Variants in OTOA observed in about 807,000 individuals in gnomAD.
OTOA encodes the protein otoancorin.
Under a neutral mutation model 110.8 loss-of-function variants are expected in OTOA, and 70 were observed. The ratio of observed to expected loss-of-function variants is 0.63; its 90% CI spans 0.52 to 0.77. OTOA has a LOEUF of 0.77. Among genes scored for constraint, OTOA ranks in the 30% least tolerant of loss-of-function variants. The pLI is 0.00. For missense variants in OTOA, 917 were observed against 1,075.8 expected (o/e 0.85, Z 2.06); for synonymous variants, 373 against 431.5 (o/e 0.86, Z 1.68).
At chr16:21,700,763 A>G (rs994798806) in intron 10 of OTOA, 125 bp from the exon 11 acceptor site, 15 of 1,132,510 alleles carry the variant, frequency 1.3e-5, no homozygotes, top group Non-Finnish European at 1.9e-5. Context: ...GACATCAATG[A>G]CAATGAGAAC....
intron 1 of OTOA, among the ~76,000 whole-genome samples, chr16:21,664,604 C>T (rs1047985563): frequency 1.3e-5 from 2 of 152,062 alleles, no homozygotes; most frequent in African/African-American, 4.8e-5. Context: ...CTTATATGTG[C>T]CAGTGCTGGG....
At chr16:21,715,806 C>T (rs1047552133) in intron 14 of OTOA, among the ~76,000 whole-genome samples, 5 of 151,960 alleles carry the variant, frequency 3.3e-5, no homozygotes, top group African/African-American at 1.2e-4. Flanking sequence ...GTGTGAGCCA[C>T]TGTGCCTGGC....
chr16:21,735,277 G>A (rs1899253489), intron 21 of OTOA, among the ~76,000 whole-genome samples: 1 of 152,108 alleles, frequency 6.6e-6, no homozygotes, highest in African/African-American at 2.4e-5. Flanking sequence ...GGAAGGCGAA[G>A]GGGGAGCAGA....
At position 21,691,646 on chromosome 16, in the gene OTOA, C is replaced by T. The variant is rs763916468; in HGVS notation, c.698C>T (p.Ser233Phe). Residue 233 changes from serine to phenylalanine, a missense_variant, in exon 9 of 29, where the codon TCC becomes TTC. Physicochemically the swap from Ser to Phe is radical, Grantham distance 155. Around this residue, in one of 6 missense-constraint regions of OTOA, gnomAD observed 840 missense variants for 910.2 expected, o/e 0.92. Transcript: ENST00000646100. Reference protein sequence around the residue: ...TSAHSQRALYSWMTGILQTSS... With the variant: ...TSAHSQRALYFWMTGILQTSS... ...GCTCATTCCCAGAGAGCTCTCTATT[C>T]CTGGATGACTGGAATACTGCAGACA... 1 of 1,613,954 alleles carries T rather than the reference C, an allele frequency of 6.2e-7. No individual in the cohort carries two copies. Among genetic ancestry groups the T allele is most frequent in the Non-Finnish European group, 8.5e-7 (1 of 1,179,918 alleles).
rs576080042 is a variant in OTOA at position 21,731,665 on chromosome 16, C to T, written c.2301+735C>T. Among the ~76,000 whole-genome samples the T allele has an allele frequency of 4.6e-5, 7 of 152,260 alleles. No individual in the cohort carries two copies. In the East Asian group the frequency reaches 1.4e-3, roughly 29 times the overall value. ...CAATGGCCAAAGTAAGTTACATGACCAAGACCAACTTTAATGGGGCAGGAA... is the reference window on the plus strand; with the variant it reads ...CAATGGCCAAAGTAAGTTACATGACTAAGACCAACTTTAATGGGGCAGGAA... On this transcript the variant is annotated intron_variant, in intron 21 of 28. Coordinates refer to ENST00000646100, the MANE Select transcript of OTOA (RefSeq NM_144672.4).
intron 19 of OTOA, among the ~76,000 whole-genome samples, chr16:21,727,695 G>C (rs2141718382): frequency 6.6e-6 from 1 of 152,152 alleles, no homozygotes; most frequent in African/African-American, 2.4e-5. Flanking sequence ...CAATAACAGT[G>C]ACAGCAGCGC....
At chr16:21,719,583 A>G in intron 17 of OTOA, 79 bp downstream of exon 17, 1 of 1,307,266 alleles carries the variant, frequency 7.6e-7, no homozygotes, top group Non-Finnish European at 1.1e-6. Context: ...GTGGCATCTA[A>G]AGATCTTTAT....
rs1555499025 is a variant in OTOA at position 21,707,625 on chromosome 16, C to CTTTCTTTCTTTCT, written c.1105-2260_1105-2248dup. Reference sequence around the variant, plus strand: ...TCTTTCTTTCTTTCTTTCTTTCTTTCTTTCTTTCTTTCTTTCTTTCTTTCT... The same window carrying CTTTCTTTCTTTCT: ...TCTTTCTTTCTTTCTTTCTTTCTTTCTTTCTTTCTTTCTTTTCTTTCTTTCTTTCTTTCTTTCT... On this transcript the variant is annotated intron_variant, in intron 12 of 28. Coordinates refer to ENST00000646100, the MANE Select transcript of OTOA (RefSeq NM_144672.4). Among the ~76,000 whole-genome samples, 177 of 95,492 alleles carry CTTTCTTTCTTTCT rather than the reference C, an allele frequency of 1.9e-3. 1 individual carries two copies. The highest frequency in any genetic ancestry group is 5.4e-3 in the African/African-American group (171 of 31,876). 62.6% of individuals were successfully genotyped at this position (95,492 alleles called of 152,430 possible). A position where few individuals can be genotyped will look rare whatever the true frequency, so the allele number is the denominator to read the frequency against.
intron 1 of OTOA, among the ~76,000 whole-genome samples, chr16:21,665,511 C>T (rs551271872): frequency 6.6e-6 from 1 of 152,114 alleles, no homozygotes; most frequent in Non-Finnish European, 1.5e-5. Flanking sequence ...CTGCCATTCG[C>T]TTGCTGTGTG....
intron 22 of OTOA, among the ~76,000 whole-genome samples, chr16:21,737,980 A>G (rs1244507897): frequency 6.6e-6 from 1 of 152,312 alleles, no homozygotes; most frequent in Non-Finnish European, 1.5e-5. Flanking sequence ...TTGTAAATAA[A>G]GAGCTTACTT....
At chr16:21,719,928 T>C (rs1469580143) in intron 17 of OTOA, among the ~76,000 whole-genome samples, 2 of 152,026 alleles carry the variant, frequency 1.3e-5, no homozygotes, top group East Asian at 3.9e-4. Context: ...TATTTAACCT[T>C]TGGGGAGACT....
intron 24 of OTOA, among the ~76,000 whole-genome samples, chr16:21,750,011 A>G (rs1266296887): frequency 2.0e-5 from 3 of 150,632 alleles, no homozygotes; most frequent in African/African-American, 7.2e-5. Flanking sequence ...GCTGATCTTC[A>G]TAGGATTGGC....
intron 8 of OTOA, among the ~76,000 whole-genome samples, chr16:21,690,982 C>T (rs1403221866): frequency 2.5e-5 from 3 of 119,112 alleles, no homozygotes; most frequent in African/African-American, 9.6e-5. Context: ...CACCCCCCAA[C>T]AGGCCCCGGT....
chr16:21,684,646 G>A (rs1364367406), intron 6 of OTOA: 2 of 1,010,962 alleles, frequency 2.0e-6, no homozygotes, highest in Non-Finnish European at 3.0e-6. Flanking sequence ...GCCTAAAAGG[G>A]GATGTGCGCC....
At chr16:21,726,735 C>T (rs1462554897) in intron 19 of OTOA, 77 bp downstream of exon 19, 1 of 1,586,008 alleles carries the variant, frequency 6.3e-7, no homozygotes, top group Non-Finnish European at 8.6e-7. Context: ...AGGGATCTGG[C>T]TAGGATCTTG....
At chr16:21,692,142 C>T (rs886456230) in intron 9 of OTOA, among the ~76,000 whole-genome samples, 11 of 152,066 alleles carry the variant, frequency 7.2e-5, no homozygotes, top group Non-Finnish European at 1.6e-4. Context: ...GCCTGACCGA[C>T]ATGGTGAAAC....
At chr16:21,706,237 C>G (rs927833281) in intron 12 of OTOA, among the ~76,000 whole-genome samples, 1 of 152,192 alleles carries the variant, frequency 6.6e-6, no homozygotes, top group South Asian at 2.1e-4. Flanking sequence ...CCTCCTTCTT[C>G]CCTTGGCCTC....
At chr16:21,678,799 T>C in intron 2 of OTOA, 116 bp from the exon 3 acceptor site, 2 of 1,355,306 alleles carry the variant, frequency 1.5e-6, no homozygotes, top group Non-Finnish European at 1.0e-6. Flanking sequence ...ATAATTAAAA[T>C]TCACTAAAAA....
At chr16:21,684,386 T>G in intron 6 of OTOA, 1 of 1,455,188 alleles carries the variant, frequency 6.9e-7, no homozygotes, top group Admixed American at 2.2e-5. Context: ...GGCTGATGGC[T>G]TCTGCTCCTT....
Sources: gnomAD v4.1 joint callset for allele counts (sites outside exome capture counted in the v4.1 genomes callset) on GRCh38, gnomAD v4.1.1 for gene constraint, gnomAD v4.1.1 regional missense constraint, MANE v1.5 for transcripts, NCBI Gene and HGNC (gene_info 2026-07-23, HGNC 2026-07-21) for gene names.